The following EDDM3A variants were observed in gnomAD, a reference collection of about 807,000 sequenced individuals.
EDDM3A encodes the protein epididymal protein 3A.
For synonymous variants in EDDM3A, 75 were observed against 60.4 expected (o/e 1.24, Z -1.12); for missense variants, 199 against 177.4 (o/e 1.12, Z -0.69).
At chr14:20,747,443 C>T (rs531848913) in intron 1 of EDDM3A, 112 bp from the exon 2 acceptor site, 44 of 645,594 alleles carry the variant, frequency 6.8e-5, no homozygotes, top group Non-Finnish European at 9.5e-5. Context: ...TAATATGGAA[C>T]CAAATAGCAA....
upstream of EDDM3A, among the ~76,000 whole-genome samples, chr14:20,741,573 C>T (rs1268456149): frequency 6.6e-6 from 1 of 152,160 alleles, no homozygotes; most frequent in Non-Finnish European, 1.5e-5. Context: ...TAGAAACACT[C>T]TACTTACTGA....
intron 1 of EDDM3A, 44 bp downstream of exon 1, chr14:20,746,036 C>T (rs1396098328): frequency 6.6e-6 from 1 of 152,248 alleles, no homozygotes. Flanking sequence ...CAGCCAGGAA[C>T]ACTGGAAGGA....
At chr14:20,742,120 C>T (rs942844979), upstream of EDDM3A, among the ~76,000 whole-genome samples, 1 of 152,196 alleles carries the variant, frequency 6.6e-6, no homozygotes, top group East Asian at 1.9e-4. Flanking sequence ...AGATCAAGCC[C>T]GTACCTTGCA....
chr14:20,739,265 G>T, the EDDM3A span, among the ~76,000 whole-genome samples: 3 of 152,198 alleles, frequency 2.0e-5, no homozygotes, highest in Non-Finnish European at 2.9e-5. Context: ...TAGTATATTA[G>T]GTTTGTATAT....
At chr14:20,738,117 G>T in the EDDM3A span, among the ~76,000 whole-genome samples, 1 of 152,074 alleles carries the variant, frequency 6.6e-6, no homozygotes, top group Non-Finnish European at 1.5e-5. Context: ...AGTGCACCTG[G>T]GGAGGAACAG....
At chr14:20,736,244 G>A in the EDDM3A span, among the ~76,000 whole-genome samples, 303 of 152,148 alleles carry the variant, frequency 2.0e-3, no homozygotes, top group Non-Finnish European at 3.4e-3. Flanking sequence ...TGAGTAGCTG[G>A]AATTACAGGA....
At chr14:20,743,633 A>T (rs1877502259), upstream of EDDM3A, among the ~76,000 whole-genome samples, 1 of 149,430 alleles carries the variant, frequency 6.7e-6, no homozygotes. Flanking sequence ...TTTTCAAGTG[A>T]TTTAAAATTT....
chr14:20,737,135 C>A, the EDDM3A span, among the ~76,000 whole-genome samples: 1 of 149,894 alleles, frequency 6.7e-6, no homozygotes, highest in Admixed American at 6.7e-5. Context: ...CTCACTGTAA[C>A]CTCTGCCTCC....
chr14:20,740,423 G>A, the EDDM3A span, among the ~76,000 whole-genome samples: 2 of 152,270 alleles, frequency 1.3e-5, no homozygotes, highest in South Asian at 4.1e-4. Flanking sequence ...GGGGAGAAGG[G>A]GTTTCCAGAA....
chr14:20,747,555 A>G lies in EDDM3A; in HGVS notation c.-26A>G, dbSNP rs746716185. 16 of 1,547,082 alleles carry G rather than the reference A, an allele frequency of 1.0e-5. No individual in the cohort carries two copies. Among genetic ancestry groups the G allele is most frequent in the South Asian group, 7.3e-5 (6 of 81,638 alleles). On this transcript the variant is annotated splice_region_variant and 5_prime_UTR_variant, in exon 2 of 2. Transcript: ENST00000326842. ...ATGCTTTTCTTTCTCTTCCCTGTAG[A>G]CACGCAGGTGGACGTGGTGACTGAG...
chr14:20,746,211 A>G (rs1166858261), intron 1 of EDDM3A, among the ~76,000 whole-genome samples: 1 of 152,120 alleles, frequency 6.6e-6, no homozygotes, highest in African/African-American at 2.4e-5. Context: ...AGCTGCTTGC[A>G]TCCTACTCTT....
chr14:20,743,908 G>A (rs1877509048), upstream of EDDM3A, among the ~76,000 whole-genome samples: 1 of 151,888 alleles, frequency 6.6e-6, no homozygotes, highest in Non-Finnish European at 1.5e-5. Context: ...TAGCTCATAG[G>A]AGAGTTCATG....
upstream of EDDM3A, among the ~76,000 whole-genome samples, chr14:20,744,456 T>C (rs1445517607): frequency 1.3e-5 from 2 of 152,246 alleles, no homozygotes; most frequent in Non-Finnish European, 2.9e-5. Flanking sequence ...GCAAGAGTCT[T>C]ACTTTATTCA....
At chr14:20,744,216 G>A (rs183824774), upstream of EDDM3A, among the ~76,000 whole-genome samples, 40 of 152,312 alleles carry the variant, frequency 2.6e-4, no homozygotes, top group Non-Finnish European at 4.9e-4. Flanking sequence ...AAGACCTAGA[G>A]AGTAGAAGGA....
chr14:20,740,894 G>T (rs1877416191), upstream of EDDM3A, among the ~76,000 whole-genome samples: 1 of 143,214 alleles, frequency 7.0e-6, no homozygotes, highest in African/African-American at 3.0e-5. Context: ...AACCACTTTA[G>T]CTCCAGCAGG....
intron 1 of EDDM3A, 88 bp from the exon 2 acceptor site, chr14:20,747,467 T>C (rs1227871045): frequency 2.6e-6 from 2 of 765,108 alleles, no homozygotes; most frequent in African/African-American, 1.7e-5. Flanking sequence ...AGTGCCCAAG[T>C]ACCTGCTTGG....
In EDDM3A at chr14:20,746,012, G is replaced by A. The variant is rs2139080791; in HGVS notation, c.-27+20G>A. On this transcript the variant is annotated intron_variant, in intron 1 of 1. Transcript: ENST00000326842. ...AGTAGGGTAAGAAGGGCTCTGCTGA[G>A]GTTGCTCGGGGGACAGCCAGGAACA... 1 of 152,354 alleles carries A rather than the reference G, an allele frequency of 6.6e-6. No homozygotes were observed. The highest frequency in any genetic ancestry group is 2.4e-5 in the African/African-American group (1 of 41,552). 9.4% of individuals were successfully genotyped at this position (152,354 alleles called of 1,614,324 possible). A position where few individuals can be genotyped will look rare whatever the true frequency, so the allele number is the denominator to read the frequency against.
the EDDM3A span, among the ~76,000 whole-genome samples, chr14:20,739,999 G>T: frequency 9.4e-3 from 1,425 of 152,208 alleles, 6 homozygotes; most frequent in Non-Finnish European, 0.016. Flanking sequence ...CATGCAACTG[G>T]CTCAGAAGAA....
the EDDM3A span, among the ~76,000 whole-genome samples, chr14:20,740,840 G>A: frequency 7.2e-6 from 1 of 139,250 alleles, no homozygotes; most frequent in African/African-American, 3.4e-5. Flanking sequence ...TGCAGGAATG[G>A]CCTCCTCTTC....
Sources: gnomAD v4.1 joint callset for allele counts (sites outside exome capture counted in the v4.1 genomes callset) on GRCh38, gnomAD v4.1.1 for gene constraint, MANE v1.5 for transcripts, NCBI Gene and HGNC (gene_info 2026-07-23, HGNC 2026-07-21) for gene names.